USP35: variants seen among roughly 807,000 people sequenced by gnomAD.
USP35 encodes ubiquitin specific peptidase 35, also known as ubiquitin carboxyl-terminal hydrolase 35.
In USP35, 69 loss-of-function variants were observed where a neutral mutation model predicts 83.8. The observed-to-expected ratio is 0.82, with a 90% CI of 0.68 to 1.01. The LOEUF (loss-of-function observed/expected upper bound fraction) is 1.01, where lower values mean the gene tolerates loss of function less well. Among genes scored for constraint, USP35 ranks in the 50% least tolerant of loss-of-function variants. USP35 has a pLI of 0.00. For synonymous variants in USP35, 714 were observed against 589.5 expected (o/e 1.21, Z -3.06); for missense variants, 1,503 against 1,362.5 (o/e 1.10, Z -1.62).
At chr11:78,233,101 G>A in the USP35 span, among the ~76,000 whole-genome samples, 16 of 146,552 alleles carry the variant, frequency 1.1e-4, no homozygotes, top group South Asian at 4.2e-4. Context: ...ATGCAGTGAC[G>A]TGATCTCAGC....
chr11:78,221,680 A>G, the USP35 span: 2 of 1,603,802 alleles, frequency 1.2e-6, no homozygotes, highest in Admixed American at 1.7e-5. Flanking sequence ...GACTCACCAT[A>G]GGGACATAGT....
At chr11:78,211,037 C>A (rs1272185046) in intron 10 of USP35, among the ~76,000 whole-genome samples, 1 of 152,108 alleles carries the variant, frequency 6.6e-6, no homozygotes. Flanking sequence ...CAGATCAACC[C>A]ATCACCTAAG....
chr11:78,215,170 G>A lies in USP35; in HGVS notation c.*1357G>A, dbSNP rs1864056491. ...ACAGACGCTGAGGTAGAGAGCATTT[G>A]TTCTTATTCACAGCCAAGAAAAATA... is the stretch of plus-strand genomic sequence containing the variant. On this transcript the variant is annotated 3_prime_UTR_variant, in exon 11 of 11. Transcript: ENST00000529308. 6.6e-6 allele frequency: 1 copy of A among 152,428 alleles called. No homozygotes were observed. Among genetic ancestry groups the A allele is most frequent in the Non-Finnish European group, 1.5e-5 (1 of 68,032 alleles). The allele number at this position is 152,428 out of a possible 1,614,324, so 9.4% of individuals were successfully genotyped here. A position where few individuals can be genotyped will look rare whatever the true frequency, so the allele number is the denominator to read the frequency against.
intron 1 of USP35, among the ~76,000 whole-genome samples, chr11:78,192,627 A>T (rs892331277): frequency 1.6e-4 from 24 of 152,310 alleles, no homozygotes; most frequent in African/African-American, 5.8e-4. Flanking sequence ...CTACGGACTG[A>T]GCAGAGGCTG....
downstream of USP35, chr11:78,219,465 G>A: frequency 6.3e-7 from 1 of 1,580,922 alleles, no homozygotes; most frequent in South Asian, 1.1e-5. Context: ...TACCAGTTAG[G>A]TGGGGAGGAA....
At chr11:78,203,583 A>T (rs1358829603) in intron 6 of USP35, among the ~76,000 whole-genome samples, 5 of 146,726 alleles carry the variant, frequency 3.4e-5, no homozygotes, top group South Asian at 2.1e-4. Flanking sequence ...TTAATATTAC[A>T]TTTTTTTTTT....
downstream of USP35, chr11:78,216,625 G>A (rs1466475013): frequency 1.3e-5 from 2 of 150,436 alleles, no homozygotes; most frequent in East Asian, 3.9e-4. Context: ...CAGAATAGGG[G>A]GCTGGAAGGA....
chr11:78,219,259 G>A (rs114076515), downstream of USP35: 573 of 1,611,912 alleles, frequency 3.6e-4, 2 homozygotes, highest in African/African-American at 6.8e-3. Context: ...TGGGCTCTGC[G>A]GTGGCCCTCT....
chr11:78,227,631 C>CAA, the USP35 span, among the ~76,000 whole-genome samples: 2,769 of 106,094 alleles, frequency 0.026, 146 homozygotes, highest in African/African-American at 0.094. Context: ...CCATTGCCAC[C>CAA]AAAAAAAAAA....
chr11:78,232,351 ATCATCTGTTACAG>A, the USP35 span, among the ~76,000 whole-genome samples: 2 of 152,202 alleles, frequency 1.3e-5, no homozygotes, highest in African/African-American at 4.8e-5. Flanking sequence ...ACATCAATGT[ATCATCTGTTACAG>A]GTTTAACAGC....
the USP35 span, among the ~76,000 whole-genome samples, chr11:78,232,391 G>A: frequency 2.0e-5 from 3 of 152,154 alleles, no homozygotes; most frequent in Non-Finnish European, 4.4e-5. Flanking sequence ...GAAATAAGAA[G>A]ACAGACACTG....
At chr11:78,226,801 C>T in the USP35 span, 14 of 1,614,130 alleles carry the variant, frequency 8.7e-6, no homozygotes, top group South Asian at 1.2e-4. Context: ...GTGTACACAT[C>T]CTCATTATCT....
intron 6 of USP35, among the ~76,000 whole-genome samples, chr11:78,201,638 G>A (rs1365186152): frequency 6.6e-6 from 1 of 152,190 alleles, no homozygotes; most frequent in Non-Finnish European, 1.5e-5. Flanking sequence ...GGATCTGACA[G>A]TGACTAACAT....
At chr11:78,208,073 G>A (rs1863590076) in intron 8 of USP35, among the ~76,000 whole-genome samples, 1 of 152,122 alleles carries the variant, frequency 6.6e-6, no homozygotes, top group Admixed American at 6.5e-5. Context: ...ATGAGAGAAG[G>A]GAAAGCGGGA....
the USP35 span, among the ~76,000 whole-genome samples, chr11:78,226,047 C>A: frequency 7.9e-5 from 12 of 152,178 alleles, no homozygotes; most frequent in African/African-American, 2.9e-4. Flanking sequence ...AATATTAAGA[C>A]CTCGTTTTGC....
chr11:78,226,970 A>T, the USP35 span: 3 of 1,613,606 alleles, frequency 1.9e-6, no homozygotes, highest in African/African-American at 4.0e-5. Flanking sequence ...CACAGTGTCC[A>T]TTGCCCTGGG....
intron 5 of USP35, 108 bp downstream of exon 5, chr11:78,200,342 T>C (rs1565396844): frequency 1.5e-6 from 2 of 1,339,442 alleles, no homozygotes; most frequent in Non-Finnish European, 2.1e-6. Context: ...CCTGGGCTCT[T>C]GGGGCAGGTC....
At chr11:78,191,807 C>T (rs991908644) in intron 1 of USP35, among the ~76,000 whole-genome samples, 3 of 151,592 alleles carry the variant, frequency 2.0e-5, no homozygotes, top group Non-Finnish European at 4.4e-5. Flanking sequence ...TGCCAGGTGG[C>T]CCAAAAATAG....
Position 78,196,885 on chromosome 11 carries a change from C to G in USP35, c.640C>G (p.Leu214Val). ...ACAGCCCGCCGCCATCCTGCCCTGC[C>G]TCAAAGAGCTGTTCGCAGTCATCTC... is the stretch of plus-strand genomic sequence containing the variant. The part of the protein sequence containing the change: ...RAQPAAILPC[L>V]KELFAVISCA... Residue 214 changes from leucine (L) to valine (V), a missense_variant, in exon 2 of 11, where the codon CTC becomes GTC. Coordinates refer to ENST00000529308, the MANE Select transcript of USP35 (RefSeq NM_020798.4). This position sits in a 1 kb window ranked among gnomAD's most constrained non-coding sequence, Gnocchi z 4.8. 1 of 1,472,264 alleles carries G rather than the reference C, an allele frequency of 6.8e-7. No homozygotes were observed. The highest frequency in any genetic ancestry group is 9.0e-7 in the Non-Finnish European group (1 of 1,115,504). The allele number at this position is 1,472,264 out of a possible 1,614,324, so 91.2% of individuals were successfully genotyped here.
Sources: allele counts gnomAD v4.1 joint callset (sites outside exome capture counted in the v4.1 genomes callset), GRCh38; gene constraint gnomAD v4.1.1; non-coding constraint Gnocchi (gnomAD v3.1); transcripts MANE v1.5; gene names NCBI Gene and HGNC (gene_info 2026-07-23, HGNC 2026-07-21).